DACH2: variants seen among roughly 807,000 people sequenced by gnomAD.
DACH2 encodes the protein dachshund homolog 2.
In DACH2, 17 loss-of-function variants were observed where a neutral mutation model predicts 35.8. The ratio of observed to expected loss-of-function variants is 0.48; its 90% confidence interval spans 0.33 to 0.71. The LOEUF is 0.71. Ranked by LOEUF, DACH2 falls within the 30% of genes least tolerant of loss-of-function variation. The pLI, the probability that DACH2 is intolerant of heterozygous loss-of-function variation, is 0.02. For missense variants in DACH2, 469 were observed against 472.7 expected, an observed-to-expected ratio of 0.99 and a Z score of 0.07; for synonymous variants, 195 against 177.3, an observed-to-expected ratio of 1.10 and a Z score of -0.79.
chrX:86,824,508 G>A (rs1213619973), intron 11 of DACH2, among the ~76,000 whole-genome samples: 3 of 111,625 alleles, frequency 2.7e-5, no homozygotes, highest in Non-Finnish European at 5.6e-5. Flanking sequence ...GTGGTCCTGA[G>A]GTGATGTACA....
At chrX:86,441,913 T>C (rs2037170086) in intron 2 of DACH2, among the ~76,000 whole-genome samples, 1 of 107,467 alleles carries the variant, frequency 9.3e-6, no homozygotes. Flanking sequence ...GACAGGGTCT[T>C]GCTCTGTTGT....
chrX:86,473,692 T>G (rs1347682183), intron 2 of DACH2, among the ~76,000 whole-genome samples: 1 of 111,759 alleles, frequency 8.9e-6, no homozygotes, highest in Non-Finnish European at 1.9e-5. Context: ...TTGTTGCAAA[T>G]GACAAATCTC....
intron 3 of DACH2, among the ~76,000 whole-genome samples, chrX:86,636,102 G>A (rs1371417218): frequency 1.8e-5 from 2 of 110,949 alleles, no homozygotes; most frequent in African/African-American, 3.3e-5. Context: ...ACAAAGCTCG[G>A]GGGATCATGC....
At chrX:86,564,534 C>T (rs751962127) in intron 3 of DACH2, among the ~76,000 whole-genome samples, 2 of 111,515 alleles carry the variant, frequency 1.8e-5, no homozygotes, top group African/African-American at 6.5e-5. Flanking sequence ...AAGTAATCCA[C>T]TTTAATTCCA....
intron 3 of DACH2, among the ~76,000 whole-genome samples, chrX:86,635,045 C>T (rs1046072652): frequency 9.2e-6 from 1 of 109,152 alleles, no homozygotes; most frequent in Non-Finnish European, 1.9e-5. Flanking sequence ...GATGCCAAAA[C>T]CTGGTAGAGA....
intron 3 of DACH2, among the ~76,000 whole-genome samples, chrX:86,523,285 A>G (rs1602606390): frequency 9.0e-6 from 1 of 111,123 alleles, no homozygotes; most frequent in African/African-American, 3.3e-5. Context: ...TCATAATATA[A>G]GGCCAATTAA....
rs752249778 is a variant in DACH2, at chrX:86,338,036, C to T, written c.489-38788C>T. 6.3e-5 allele frequency among the ~76,000 whole-genome samples: 7 copies of T among 111,873 alleles called. No individual in the cohort carries two copies. The East Asian group carries it at 1.7e-3, about 27-fold the overall frequency. ...ACTATCTATCCTAAATATATATGCA[C>T]CCAATACGGGAGCACTCAAATTCAT... On this transcript the variant is annotated intron_variant, in intron 1 of 11. Transcript: ENST00000373125.
chrX:86,319,710 A>T (rs2034981684), intron 1 of DACH2, among the ~76,000 whole-genome samples: 1 of 112,329 alleles, frequency 8.9e-6, no homozygotes, highest in South Asian at 3.6e-4. Context: ...CACTGTTTTT[A>T]TTTTTAAAGA....
intron 1 of DACH2, among the ~76,000 whole-genome samples, chrX:86,218,341 A>G (rs1261479973): frequency 8.9e-6 from 1 of 112,008 alleles, no homozygotes; most frequent in Non-Finnish European, 1.9e-5. Context: ...TATTATCTTT[A>G]GTGATTATTA....
chrX:86,185,843 T>C (rs995168225), intron 1 of DACH2, among the ~76,000 whole-genome samples: 2 of 112,204 alleles, frequency 1.8e-5, no homozygotes, highest in African/African-American at 3.2e-5. Flanking sequence ...TATACTGAAA[T>C]GAAAATCTGT....
chrX:86,180,797 C>G (rs1157030239), intron 1 of DACH2, among the ~76,000 whole-genome samples: 1 of 111,779 alleles, frequency 8.9e-6, no homozygotes, highest in Non-Finnish European at 1.9e-5. Context: ...TTTTGATAAT[C>G]GAAGCCAATG....
chrX:86,238,698 G>T (rs955375461), intron 1 of DACH2, among the ~76,000 whole-genome samples: 2 of 110,235 alleles, frequency 1.8e-5, no homozygotes, highest in African/African-American at 6.6e-5. Context: ...TATAATAATA[G>T]CTTGCATCAT....
chrX:86,550,179 G>T (rs1024916878), intron 3 of DACH2, among the ~76,000 whole-genome samples: 15 of 111,349 alleles, frequency 1.3e-4, no homozygotes, highest in Non-Finnish European at 3.8e-5. Flanking sequence ...AATGAAAGAT[G>T]CATTTTGATA....
chrX:86,602,146 A>T (rs1401648579), intron 3 of DACH2, among the ~76,000 whole-genome samples: 4 of 111,856 alleles, frequency 3.6e-5, no homozygotes, highest in Non-Finnish European at 5.7e-5. Flanking sequence ...TTGAGTCTGG[A>T]TTCTTTATAA....
At chrX:86,462,189 C>CA (rs2148211558) in intron 2 of DACH2, among the ~76,000 whole-genome samples, 1 of 111,664 alleles carries the variant, frequency 9.0e-6, no homozygotes, top group Non-Finnish European at 1.9e-5. Context: ...GATGAAATAA[C>CA]AGATTCAACT....
chrX:86,418,063 G>A (rs892185572), intron 2 of DACH2, among the ~76,000 whole-genome samples: 7 of 111,976 alleles, frequency 6.3e-5, no homozygotes, highest in African/African-American at 2.3e-4. Flanking sequence ...TATCTCATTT[G>A]ACTCCATGTC....
At chrX:86,691,511 C>T (rs1318561974) in intron 4 of DACH2, among the ~76,000 whole-genome samples, 1 of 111,348 alleles carries the variant, frequency 9.0e-6, no homozygotes, top group Non-Finnish European at 1.9e-5. Flanking sequence ...AAAATAATAA[C>T]AATTTAAATG....
chrX:86,358,968 C>T (rs2035689046), intron 1 of DACH2, among the ~76,000 whole-genome samples: 1 of 110,803 alleles, frequency 9.0e-6, no homozygotes, highest in Admixed American at 9.7e-5. Flanking sequence ...AAATGAGGAG[C>T]TACTGTCACA....
intron 3 of DACH2, among the ~76,000 whole-genome samples, chrX:86,570,572 A>G (rs1348588703): frequency 9.1e-6 from 1 of 110,427 alleles, no homozygotes; most frequent in Non-Finnish European, 1.9e-5. Flanking sequence ...GGAACAACAC[A>G]CACTGGGGCC....
Sources: gnomAD v4.1 joint callset for allele counts (sites outside exome capture counted in the v4.1 genomes callset) on GRCh38, gnomAD v4.1.1 for gene constraint, MANE v1.5 for transcripts, NCBI Gene and HGNC (gene_info 2026-07-23, HGNC 2026-07-21) for gene names.